The following EYS variants were observed in gnomAD, a reference collection of about 807,000 sequenced individuals.
EYS encodes EGF-like photoreceptor maintenance factor, also known as protein eyes shut homolog.
EYS carries 250 observed loss-of-function variants against 282.1 expected under a neutral mutation model. The ratio of observed to expected loss-of-function variants is 0.89; its 90% CI spans 0.80 to 0.98. The LOEUF is 0.98. Ranked by LOEUF, EYS falls within the 50% of genes least tolerant of loss-of-function variation. The pLI, the probability that EYS is intolerant of heterozygous loss-of-function variation, is 0.00. For synonymous variants in EYS, 1,355 were observed against 1,282.9 expected (o/e 1.06, Z -1.20); for missense variants, 4,016 against 3,709.0 (o/e 1.08, Z -2.15).
intron 2 of EYS, among the ~76,000 whole-genome samples, chr6:65,588,893 A>T (rs890360409): frequency 3.6e-5 from 4 of 110,210 alleles, no homozygotes; most frequent in African/African-American, 1.5e-4. Flanking sequence ...CTTTCTTTTT[A>T]AAAAGTGAAA....
chr6:63,874,674 A>G (rs886880211), intron 35 of EYS, among the ~76,000 whole-genome samples: 2 of 152,282 alleles, frequency 1.3e-5, no homozygotes, highest in Admixed American at 1.3e-4. Context: ...TTCTCCTTGA[A>G]GAGGTCCTTC....
chr6:64,163,697 T>A (rs930121212), intron 31 of EYS, among the ~76,000 whole-genome samples: 1 of 152,112 alleles, frequency 6.6e-6, no homozygotes, highest in Non-Finnish European at 1.5e-5. Context: ...TTAAGGCAAA[T>A]CTTTCTGTAA....
chr6:64,829,070 A>AATGAC (rs140119069), intron 19 of EYS, among the ~76,000 whole-genome samples: 23,020 of 151,758 alleles, frequency 0.15, 1,952 homozygotes, highest in East Asian at 0.43. Flanking sequence ...GGTAGTGGCA[A>AATGAC]ATGACATGGC....
chr6:64,429,502 G>C (rs1295867737), intron 28 of EYS, among the ~76,000 whole-genome samples: 1 of 152,030 alleles, frequency 6.6e-6, no homozygotes, highest in East Asian at 1.9e-4. Context: ...ATGGTGGCAG[G>C]CACCTGTAAT....
chr6:65,141,978 C>A lies in EYS; in HGVS notation c.2024-84251G>T, dbSNP rs1764357048. Among the ~76,000 whole-genome samples, 3 of 151,746 alleles carry A rather than the reference C, an allele frequency of 2.0e-5. No individual in the cohort carries two copies. In the South Asian group the frequency reaches 6.2e-4, roughly 32 times the overall value. On this transcript the variant is annotated intron_variant, in intron 12 of 42. Coordinates refer to ENST00000503581, the MANE Select transcript of EYS (RefSeq NM_001142800.2). ...TGATAAAAGAATGAACCTTGGAACC[C>A]CAAGAAGAAAGACAGTACAATATGC...
At chr6:64,546,426 A>T (rs898686247) in intron 26 of EYS, among the ~76,000 whole-genome samples, 1 of 152,192 alleles carries the variant, frequency 6.6e-6, no homozygotes, top group African/African-American at 2.4e-5. Context: ...CCCTAGAAGA[A>T]AACCTGGGCA....
chr6:65,643,684 C>A (rs1767356875), intron 1 of EYS, among the ~76,000 whole-genome samples: 1 of 152,122 alleles, frequency 6.6e-6, no homozygotes, highest in Non-Finnish European at 1.5e-5. Flanking sequence ...CACCTCACTC[C>A]CCTACTATCT....
chr6:64,154,734 G>A (rs184716392), intron 31 of EYS, among the ~76,000 whole-genome samples: 76 of 149,926 alleles, frequency 5.1e-4, no homozygotes, highest in African/African-American at 1.9e-3. Context: ...TTGTCTTTAA[G>A]TAAATATTTT....
At chr6:65,345,952 G>T (rs1187550660) in intron 9 of EYS, among the ~76,000 whole-genome samples, 1 of 151,792 alleles carries the variant, frequency 6.6e-6, no homozygotes, top group African/African-American at 2.4e-5. Flanking sequence ...CTGATACTAA[G>T]GTGGGCTCTG....
chr6:64,451,260 A>G (rs1201321174), intron 26 of EYS, among the ~76,000 whole-genome samples: 1 of 152,254 alleles, frequency 6.6e-6, no homozygotes, highest in Non-Finnish European at 1.5e-5. Flanking sequence ...AAAATCTAGA[A>G]GAAATGGATA....
At chr6:65,622,299 C>T (rs1766533106) in intron 2 of EYS, among the ~76,000 whole-genome samples, 1 of 152,132 alleles carries the variant, frequency 6.6e-6, no homozygotes, top group South Asian at 2.1e-4. Flanking sequence ...AAAACAGTTG[C>T]TCTGTATCAG....
At chr6:64,889,556 G>A (rs1767213204) in intron 18 of EYS, among the ~76,000 whole-genome samples, 1 of 152,028 alleles carries the variant, frequency 6.6e-6, no homozygotes, top group Admixed American at 6.6e-5. Context: ...ACAGAAGAAC[G>A]TGGATTGTGA....
intron 22 of EYS, among the ~76,000 whole-genome samples, chr6:64,659,666 C>A (rs1373636799): frequency 6.6e-6 from 1 of 152,104 alleles, no homozygotes; most frequent in Non-Finnish European, 1.5e-5. Context: ...GACACATACA[C>A]CCTCCCAAGA....
intron 12 of EYS, among the ~76,000 whole-genome samples, chr6:65,175,063 T>C (rs1330897761): frequency 6.6e-6 from 1 of 151,268 alleles, no homozygotes; most frequent in Non-Finnish European, 1.5e-5. Flanking sequence ...TTCAAAAGGT[T>C]TTAATGAAAA....
rs1764931164 is a variant in EYS at position 64,822,578 on chromosome 6, C to A, written c.3164+73G>T. 1.4e-5 allele frequency: 17 copies of A among 1,192,602 alleles called. No homozygotes were observed. The Middle Eastern group carries it at 5.9e-4, about 41-fold the overall frequency. 73.9% of individuals were successfully genotyped at this position (1,192,602 alleles called of 1,614,324 possible). On this transcript the variant is annotated intron_variant, in intron 20 of 42. Coordinates refer to ENST00000503581, the MANE Select transcript of EYS (RefSeq NM_001142800.2). Reference sequence around the variant, plus strand: ...AATTAAAATTATCTTTATCAACTTTCCCTTGATGTTAAGTCTTAAATATTG... The same window carrying A: ...AATTAAAATTATCTTTATCAACTTTACCTTGATGTTAAGTCTTAAATATTG...
chr6:64,902,544 T>C (rs766628711), intron 16 of EYS, 44 bp from the exon 17 acceptor site: 3 of 1,192,440 alleles, frequency 2.5e-6, no homozygotes, highest in Admixed American at 3.3e-5. Flanking sequence ...ATCCTTGTTA[T>C]AGAGTAAAAA....
intron 12 of EYS, among the ~76,000 whole-genome samples, chr6:65,258,135 C>A (rs1767520316): frequency 6.6e-6 from 1 of 151,426 alleles, no homozygotes; most frequent in African/African-American, 2.4e-5. Context: ...TAATATATAC[C>A]CATAAAAATT....
intron 22 of EYS, among the ~76,000 whole-genome samples, chr6:64,679,744 A>G (rs1379800844): frequency 2.6e-5 from 4 of 152,186 alleles, no homozygotes; most frequent in Non-Finnish European, 5.9e-5. Flanking sequence ...ATATATTTTA[A>G]TACCATTTTA....
At chr6:65,378,691 A>G (rs1174967847) in intron 8 of EYS, among the ~76,000 whole-genome samples, 1 of 152,210 alleles carries the variant, frequency 6.6e-6, no homozygotes, top group East Asian at 1.9e-4. Flanking sequence ...ACACCATGGA[A>G]TACTATGCAT....
Sources: allele counts gnomAD v4.1 joint callset (sites outside exome capture counted in the v4.1 genomes callset), GRCh38; gene constraint gnomAD v4.1.1; transcripts MANE v1.5; gene names NCBI Gene and HGNC (gene_info 2026-07-23, HGNC 2026-07-21).